Variants in ASB11 observed in about 807,000 individuals in gnomAD.
ASB11 encodes the protein ankyrin repeat and SOCS box containing 11.
ASB11 carries 17 observed loss-of-function variants against 20.1 expected under a neutral mutation model. The observed-to-expected ratio is 0.85, with a 90% CI of 0.58 to 1.27. ASB11 has a LOEUF of 1.27. ASB11 is among the 50% of genes most tolerant of loss of function. The pLI is 0.00. For synonymous variants in ASB11, 107 were observed against 105.6 expected, an observed-to-expected ratio of 1.01 and a Z score of -0.08; for missense variants, 259 against 256.9, an observed-to-expected ratio of 1.01 and a Z score of -0.06.
At chrX:15,306,566 G>A (rs774328119) in intron 1 of ASB11, among the ~76,000 whole-genome samples, 192 of 109,860 alleles carry the variant, frequency 1.7e-3, no homozygotes, top group African/African-American at 1.9e-3. Flanking sequence ...AGCCTGGCAC[G>A]GTGGTAGGCG....
At chrX:15,289,667 AG>A in intron 4 of ASB11, 29 bp from the exon 5 acceptor site, 2 of 1,185,189 alleles carry the variant, frequency 1.7e-6, no homozygotes, top group Non-Finnish European at 2.3e-6. Context: ...CCCTCACTCA[AG>A]TAAGGGACAT....
At position 15,284,049 on chromosome X, in the gene ASB11, G is replaced by A. The variant is rs749157582; in HGVS notation, c.848-420C>T. Among the ~76,000 whole-genome samples, 276 of 107,972 alleles carry A rather than the reference G, an allele frequency of 2.6e-3. 2 individuals are homozygous for A. The highest frequency in any genetic ancestry group is 1.8e-3 in the African/African-American group (52 of 29,077). 93.8% of individuals were successfully genotyped at this position (107,972 alleles called of 115,157 possible). ...GGGCGGATCACGAGGTCAGGAGATGGAGACCATCCTGGCTAACACGGTGAA... is the reference window on the plus strand; with the variant it reads ...GGGCGGATCACGAGGTCAGGAGATGAAGACCATCCTGGCTAACACGGTGAA... On this transcript the variant is annotated intron_variant, in intron 6 of 6. Coordinates refer to ENST00000480796, the MANE Select transcript of ASB11 (RefSeq NM_080873.3).
intron 1 of ASB11, chrX:15,314,348 T>C (rs769273405): frequency 3.8e-6 from 4 of 1,062,390 alleles, no homozygotes; most frequent in Middle Eastern, 2.8e-4. Context: ...TTTTTTTTTG[T>C]AACTAGTCAA....
intron 1 of ASB11, 41 bp downstream of exon 1, chrX:15,315,384 G>T (rs774202192): frequency 1.0e-6 from 1 of 987,199 alleles, no homozygotes; most frequent in Admixed American, 3.7e-5. Context: ...ATCTAGGAGG[G>T]ATTTTCTTTA....
At chrX:15,284,473 C>G (rs751634757) in intron 6 of ASB11, among the ~76,000 whole-genome samples, 7 of 110,689 alleles carry the variant, frequency 6.3e-5, no homozygotes, top group Non-Finnish European at 1.1e-4. Context: ...TACTCCTGGA[C>G]CTACCGGCTC....
intron 4 of ASB11, among the ~76,000 whole-genome samples, chrX:15,292,499 A>G (rs1489413498): frequency 8.9e-6 from 1 of 112,103 alleles, no homozygotes; most frequent in Non-Finnish European, 1.9e-5. Context: ...TAGTCTGTAC[A>G]TACAGTCTTT....
intron 1 of ASB11, among the ~76,000 whole-genome samples, chrX:15,312,345 T>C (rs1921453371): frequency 1.0e-5 from 1 of 98,944 alleles, no homozygotes; most frequent in Admixed American, 1.2e-4. Context: ...GCAAATGTAA[T>C]AGTTTAAGCC....
intron 1 of ASB11, among the ~76,000 whole-genome samples, chrX:15,306,168 G>A (rs186377577): frequency 8.9e-6 from 1 of 111,901 alleles, no homozygotes; most frequent in East Asian, 2.8e-4. Context: ...TACCCAGTCT[G>A]TCATTGATGG....
Position 15,283,266 on chromosome X carries a change from G to T in ASB11, c.*239C>A, listed in dbSNP as rs1927240141. On this transcript the variant is annotated 3_prime_UTR_variant, in exon 7 of 7. Transcript: ENST00000480796. ...TCACTCTACTTCACAGTTCTTTTAA[G>T]TTTCTTAACAACAAGAGCTAAAAGC... 1 of 313,871 alleles carries T rather than the reference G, an allele frequency of 3.2e-6. No homozygotes were observed. The highest frequency in any genetic ancestry group is 5.1e-5 in the Admixed American group (1 of 19,763). 25.9% of individuals were successfully genotyped at this position (313,871 alleles called of 1,213,427 possible).
intron 5 of ASB11, among the ~76,000 whole-genome samples, chrX:15,289,076 G>C (rs775962264): frequency 1.8e-5 from 2 of 111,915 alleles, no homozygotes; most frequent in African/African-American, 6.5e-5. Flanking sequence ...CCACCCTCTT[G>C]TTAGTTTCAG....
intron 5 of ASB11, among the ~76,000 whole-genome samples, chrX:15,288,695 C>T (rs1331536721): frequency 9.1e-6 from 1 of 110,454 alleles, no homozygotes; most frequent in Non-Finnish European, 1.9e-5. Context: ...ACCAGCCTGG[C>T]CAACATGGTA....
At chrX:15,303,370 C>T (rs190585218) in intron 1 of ASB11, among the ~76,000 whole-genome samples, 17 of 111,712 alleles carry the variant, frequency 1.5e-4, no homozygotes, top group African/African-American at 4.2e-4. Flanking sequence ...AAAAAAATCT[C>T]GTAAGTTTTA....
intron 2 of ASB11, 139 bp downstream of exon 2, chrX:15,302,589 A>G: frequency 1.9e-6 from 1 of 522,052 alleles, no homozygotes; most frequent in Non-Finnish European, 3.2e-6. Flanking sequence ...GCAGTGAGGT[A>G]TGAGAGGACA....
intron 2 of ASB11, among the ~76,000 whole-genome samples, chrX:15,299,218 C>T (rs1921000123): frequency 8.9e-6 from 1 of 112,414 alleles, no homozygotes; most frequent in African/African-American, 3.2e-5. Context: ...CTGTGACAAG[C>T]TCTCAGGAGA....
intron 6 of ASB11, among the ~76,000 whole-genome samples, chrX:15,286,663 C>CAAAAAAAAA (rs764801887): frequency 5.5e-5 from 3 of 54,377 alleles, no homozygotes; most frequent in African/African-American, 2.3e-4. Context: ...GACTCCATCT[C>CAAAAAAAAA]AAAAAAAAAA....
rs767262827 is a variant in ASB11 at position 15,306,703 on chromosome X, A to AAACAACAAC, written c.182-3905_182-3897dup. 4.4e-3 allele frequency among the ~76,000 whole-genome samples: 485 copies of AAACAACAAC among 109,633 alleles called. 4 individuals are homozygous for AAACAACAAC. Among genetic ancestry groups the AAACAACAAC allele is most frequent in the African/African-American group, 0.015 (453 of 29,929 alleles). On this transcript the variant is annotated intron_variant, in intron 1 of 6. Transcript: ENST00000480796. Reference sequence around the variant, plus strand: ...GGGTGACACAGTGACACTTTGTCTCAAACAACAACAACAACAACAACAACA... The same window carrying AAACAACAAC: ...GGGTGACACAGTGACACTTTGTCTCAAACAACAACAACAACAACAACAACAACAACAACA...
intron 1 of ASB11, among the ~76,000 whole-genome samples, chrX:15,312,434 AAAC>A (rs1336706659): frequency 9.4e-6 from 1 of 106,236 alleles, no homozygotes; most frequent in Non-Finnish European, 1.9e-5. Context: ...AAAAAAAAAA[AAAC>A]AACTTTCCAA....
At chrX:15,304,463 G>A (rs993954560) in intron 1 of ASB11, among the ~76,000 whole-genome samples, 1 of 112,450 alleles carries the variant, frequency 8.9e-6, no homozygotes, top group Non-Finnish European at 1.9e-5. Flanking sequence ...AAACATAGAT[G>A]TGCGTATATA....
chrX:15,304,332 C>T (rs1266832909), intron 1 of ASB11, among the ~76,000 whole-genome samples: 5 of 112,426 alleles, frequency 4.4e-5, no homozygotes, highest in African/African-American at 1.6e-4. Context: ...TTCTCTCACC[C>T]TTTGGGTTCT....
Sources: gnomAD v4.1 joint callset for allele counts (sites outside exome capture counted in the v4.1 genomes callset) on GRCh38, gnomAD v4.1.1 for gene constraint, MANE v1.5 for transcripts, NCBI Gene and HGNC (gene_info 2026-07-23, HGNC 2026-07-21) for gene names.